CABIN1: variants seen among roughly 807,000 people sequenced by gnomAD.
The protein encoded by CABIN1 is calcineurin-binding protein cabin-1.
A neutral mutation model predicts 227.7 loss-of-function variants in CABIN1; 133 were observed. The observed-to-expected ratio is 0.58, with a 90% CI of 0.51 to 0.67. CABIN1 has a LOEUF of 0.67. CABIN1 is among the 30% of genes least tolerant of loss of function. CABIN1 has a pLI of 0.00. For missense variants in CABIN1, 2,408 were observed against 2,852.5 expected (o/e 0.84, Z 3.55); for synonymous variants, 1,086 against 1,155.1 (o/e 0.94, Z 1.21).
chr22:24,016,698 T>C (rs1407250324), intron 1 of CABIN1, among the ~76,000 whole-genome samples: 1 of 152,230 alleles, frequency 6.6e-6, no homozygotes, highest in African/African-American at 2.4e-5. Flanking sequence ...TAAATGCATA[T>C]GTAGTTTTCT....
In CABIN1 at chr22:24,041,142, G is replaced by C. The variant is rs148512364; in HGVS notation, c.214G>C (p.Val72Leu). The change falls in exon 5 of 37, where the codon GTT (valine) becomes CTT (leucine). Residue 72 changes from valine to leucine, a missense_variant. By Grantham distance (32) the Val-to-Leu change is conservative. Transcript: ENST00000263119. ...LLEASLLREA[V>L]SSGDEKEGLK... Reference sequence around the variant, plus strand: ...TTCTGTTCTGTTTTGTTCACAGGCAGTTTCATCCGGTGATGAGAAAGAGGG... The same window carrying C: ...TTCTGTTCTGTTTTGTTCACAGGCACTTTCATCCGGTGATGAGAAAGAGGG... The C allele has an allele frequency of 2.5e-6, 4 of 1,614,198 alleles. No individual in the cohort carries two copies. The highest frequency in any genetic ancestry group is 3.4e-6 in the Non-Finnish European group (4 of 1,180,028).
At chr22:24,148,570 T>G (rs1224764336) in intron 29 of CABIN1, among the ~76,000 whole-genome samples, 1 of 152,256 alleles carries the variant, frequency 6.6e-6, no homozygotes, top group Non-Finnish European at 1.5e-5. Flanking sequence ...GTGTGGACAC[T>G]GCCCTGTCCT....
intron 1 of CABIN1, among the ~76,000 whole-genome samples, chr22:24,017,023 G>A (rs975183011): frequency 3.3e-5 from 5 of 149,506 alleles, no homozygotes; most frequent in African/African-American, 1.2e-4. Flanking sequence ...TAAAATATAA[G>A]CAACATACAA....
chr22:24,176,051 T>G (rs1401781928), intron 34 of CABIN1, 60 bp from the exon 35 acceptor site: 1 of 1,557,722 alleles, frequency 6.4e-7, no homozygotes, highest in East Asian at 2.3e-5. Flanking sequence ...CTGACACAGA[T>G]GCGTTGGAGC....
intron 29 of CABIN1, among the ~76,000 whole-genome samples, chr22:24,148,996 C>T (rs2045326777): frequency 6.6e-6 from 1 of 152,262 alleles, no homozygotes; most frequent in African/African-American, 2.4e-5. Flanking sequence ...CCCCCAACCC[C>T]ACACACAACT....
chr22:24,147,908 G>A (rs917291976), intron 29 of CABIN1, among the ~76,000 whole-genome samples: 3 of 152,094 alleles, frequency 2.0e-5, no homozygotes, highest in South Asian at 2.1e-4. Flanking sequence ...CAAGGCTTTG[G>A]AAAGTAGACT....
At chr22:24,021,239 C>T (rs1207373708) in intron 1 of CABIN1, among the ~76,000 whole-genome samples, 3 of 151,886 alleles carry the variant, frequency 2.0e-5, no homozygotes, top group South Asian at 2.1e-4. Flanking sequence ...AGGGTGGTCT[C>T]GGACTCCTGG....
At chr22:24,126,331 G>C (rs2043721707) in intron 28 of CABIN1, among the ~76,000 whole-genome samples, 1 of 152,210 alleles carries the variant, frequency 6.6e-6, no homozygotes, top group Non-Finnish European at 1.5e-5. Context: ...TATTTAGACA[G>C]GGAGATTGGG....
chr22:24,142,662 C>T (rs554191933), intron 29 of CABIN1, among the ~76,000 whole-genome samples: 1 of 152,328 alleles, frequency 6.6e-6, no homozygotes, highest in Non-Finnish European at 1.5e-5. Context: ...TGCAGGCAGA[C>T]ATCAGTGAAG....
chr22:24,068,594 G>A (rs2039862845), intron 16 of CABIN1, among the ~76,000 whole-genome samples: 1 of 152,170 alleles, frequency 6.6e-6, no homozygotes, highest in Non-Finnish European at 1.5e-5. Context: ...TGTGAATTAA[G>A]GTTTCCTGAT....
intron 29 of CABIN1, among the ~76,000 whole-genome samples, chr22:24,138,386 A>G (rs1025518381): frequency 1.6e-4 from 24 of 152,130 alleles, no homozygotes; most frequent in African/African-American, 5.6e-4. Flanking sequence ...TAAGTTTTTT[A>G]TAGAGACAGA....
intron 23 of CABIN1, among the ~76,000 whole-genome samples, chr22:24,089,982 C>T (rs528581122): frequency 6.6e-6 from 1 of 152,318 alleles, no homozygotes; most frequent in Non-Finnish European, 1.5e-5. Flanking sequence ...CTCATGGGCA[C>T]CCCATATGCA....
At chr22:24,168,411 C>A in intron 32 of CABIN1, 36 bp from the exon 33 acceptor site, 1 of 1,549,750 alleles carries the variant, frequency 6.5e-7, no homozygotes, top group Non-Finnish European at 8.7e-7. Context: ...ACCACAATGG[C>A]CTGCGCCCCC....
At chr22:24,025,309 G>A (rs901197372) in intron 1 of CABIN1, among the ~76,000 whole-genome samples, 2 of 152,094 alleles carry the variant, frequency 1.3e-5, no homozygotes, top group Non-Finnish European at 1.5e-5. Context: ...ACCTGACAAC[G>A]ATTTCCTTAA....
At chr22:24,117,318 C>T (rs1318606115) in intron 27 of CABIN1, among the ~76,000 whole-genome samples, 2 of 152,214 alleles carry the variant, frequency 1.3e-5, no homozygotes, top group Admixed American at 1.3e-4. Flanking sequence ...CCTCCTGCCT[C>T]AGCCTCCCGA....
chr22:24,119,840 C>A, intron 28 of CABIN1, 142 bp downstream of exon 28: 1 of 880,272 alleles, frequency 1.1e-6, no homozygotes, highest in Non-Finnish European at 1.8e-6. Context: ...CTGCAGGAGG[C>A]AGGGCCAGCC....
chr22:24,070,744 T>C (rs1418115147), intron 16 of CABIN1, 56 bp from the exon 17 acceptor site: 1 of 1,613,392 alleles, frequency 6.2e-7, no homozygotes, highest in African/African-American at 1.3e-5. Flanking sequence ...GCTCAGGCCT[T>C]GGGCCCAGAT....
At position 24,149,031 on chromosome 22, in the gene CABIN1, C is replaced by T. The variant is rs539427289; in HGVS notation, c.4746+14616C>T. Reference sequence around the variant, plus strand: ...TTTTTTCCTATTTGGCAAGTTTGACCAAGTTGCATCTGAGAGAGCTGCATT... The same window carrying T: ...TTTTTTCCTATTTGGCAAGTTTGACTAAGTTGCATCTGAGAGAGCTGCATT... On this transcript the variant is annotated intron_variant, in intron 29 of 36. Transcript: ENST00000263119. Among the ~76,000 whole-genome samples the T allele has an allele frequency of 5.9e-5, 9 of 152,344 alleles. No individual in the cohort carries two copies. In the East Asian group the frequency reaches 1.7e-3, roughly 29 times the overall value.
At chr22:24,135,584 C>T (rs2148222585) in intron 29 of CABIN1, among the ~76,000 whole-genome samples, 1 of 152,276 alleles carries the variant, frequency 6.6e-6, no homozygotes, top group Admixed American at 6.5e-5. Context: ...CTCTGTCCTG[C>T]ATGGAGACAG....
Sources: allele counts gnomAD v4.1 joint callset (sites outside exome capture counted in the v4.1 genomes callset), GRCh38; gene constraint gnomAD v4.1.1; transcripts MANE v1.5; gene names NCBI Gene and HGNC (gene_info 2026-07-23, HGNC 2026-07-21).